Variants in RBFOX3 observed in about 807,000 individuals in gnomAD.
The protein encoded by RBFOX3 is RNA binding protein fox-1 homolog 3.
A neutral mutation model predicts 48.7 loss-of-function variants in RBFOX3; 17 were observed. That is an observed-to-expected ratio of 0.35 (90% CI 0.24 to 0.52). The LOEUF (loss-of-function observed/expected upper bound fraction) is 0.52. Among genes scored for constraint, RBFOX3 ranks in the 20% least tolerant of loss-of-function variants. The probability of loss-of-function intolerance (pLI) is 0.94; values close to 1 mark genes in which losing one functional copy is unlikely to be tolerated. For missense variants in RBFOX3, 382 were observed against 497.5 expected, an observed-to-expected ratio of 0.77 and a Z score of 2.21; for synonymous variants, 212 against 209.5, an observed-to-expected ratio of 1.01 and a Z score of -0.10.
chr17:79,207,767 G>C (rs1433703185), intron 4 of RBFOX3, among the ~76,000 whole-genome samples: 1 of 152,122 alleles, frequency 6.6e-6, no homozygotes, highest in African/African-American at 2.4e-5. Flanking sequence ...TGGAGACTGG[G>C]GTGCACACCA....
intron 1 of RBFOX3, among the ~76,000 whole-genome samples, chr17:79,502,062 G>A (rs1555777290): frequency 1.3e-5 from 2 of 152,186 alleles, no homozygotes; most frequent in African/African-American, 4.8e-5. Flanking sequence ...CACAGGCCAC[G>A]TGACCACTAA....
chr17:79,525,172 G>A (rs1329006774), intron 1 of RBFOX3, among the ~76,000 whole-genome samples: 1 of 152,196 alleles, frequency 6.6e-6, no homozygotes, highest in Non-Finnish European at 1.5e-5. Flanking sequence ...GGGCCGTCCT[G>A]TGCATTGTGA....
chr17:79,308,144 A>C (rs895729153), intron 2 of RBFOX3, among the ~76,000 whole-genome samples: 1 of 152,016 alleles, frequency 6.6e-6, no homozygotes, highest in African/African-American at 2.4e-5. Context: ...GTCAGGCTGG[A>C]GTTTGGACTG....
chr17:79,409,569 A>G, intron 2 of RBFOX3, among the ~76,000 whole-genome samples: 1 of 151,730 alleles, frequency 6.6e-6, no homozygotes, highest in East Asian at 1.9e-4. Flanking sequence ...GTGTAGATAT[A>G]TGGCCTTCTG....
At chr17:79,620,159 GGA>G in the RBFOX3 span, among the ~76,000 whole-genome samples, 1 of 24,222 alleles carries the variant, frequency 4.1e-5, no homozygotes, top group South Asian at 1.6e-3. Context: ...ATGCACGCGC[GGA>G]CATGCACACA....
At chr17:79,430,680 G>A (rs1268367363) in intron 2 of RBFOX3, among the ~76,000 whole-genome samples, 11 of 152,064 alleles carry the variant, frequency 7.2e-5, no homozygotes, top group Admixed American at 3.9e-4. Flanking sequence ...GAGTAGCTGG[G>A]ATTACAGGTA....
chr17:79,153,895 C>T (rs928897653), intron 4 of RBFOX3, among the ~76,000 whole-genome samples: 6 of 152,172 alleles, frequency 3.9e-5, no homozygotes, highest in African/African-American at 1.4e-4. Context: ...CTCCAGCCCC[C>T]ATGATCCATT....
chr17:79,570,404 T>C (rs2092631392), intron 1 of RBFOX3, among the ~76,000 whole-genome samples: 1 of 141,180 alleles, frequency 7.1e-6, no homozygotes, highest in African/African-American at 2.6e-5. Context: ...AGATAGAAGA[T>C]AGATAGATGG....
chr17:79,094,572 A>C, intron 13 of RBFOX3, 43 bp from the exon 14 acceptor site: 2 of 105,806 alleles, frequency 1.9e-5, no homozygotes, highest in Non-Finnish European at 1.5e-5. Flanking sequence ...AGGGTGGGGG[A>C]GGGGGGCAGG....
rs147494739 is a variant in RBFOX3, at chr17:79,446,179, C to T, written c.-175+36275G>A. Among the ~76,000 whole-genome samples the T allele has an allele frequency of 3.4e-3, 513 of 152,288 alleles. 2 individuals carry two copies. The highest frequency in any genetic ancestry group is 0.011 in the African/African-American group (462 of 41,558). On this transcript the variant is annotated intron_variant, in intron 2 of 14. Transcript: ENST00000693108. The stretch of plus-strand genomic sequence containing the variant: ...AGCATGGTCGGTCAAGCTGAGAGCA[C>T]GCTGGCCCTAGAGATGGTCAGGAGC...
intron 2 of RBFOX3, among the ~76,000 whole-genome samples, chr17:79,372,081 C>T (rs75778566): frequency 6.6e-6 from 1 of 151,946 alleles, no homozygotes; most frequent in African/African-American, 2.4e-5. Flanking sequence ...GGTGAATGCA[C>T]CCTCTAAACG....
intron 2 of RBFOX3, among the ~76,000 whole-genome samples, chr17:79,432,496 T>C (rs143878438): frequency 6.6e-6 from 1 of 152,374 alleles, no homozygotes; most frequent in Non-Finnish European, 1.5e-5. Flanking sequence ...ACGTGTTCAC[T>C]TCCCAAGGGT....
chr17:79,652,852 A>C, the RBFOX3 span, among the ~76,000 whole-genome samples: 1 of 152,100 alleles, frequency 6.6e-6, no homozygotes, highest in Non-Finnish European at 1.5e-5. Context: ...TTAAGTCTTC[A>C]GGTTTAAGAC....
At chr17:79,310,282 C>A (rs1357782873) in intron 2 of RBFOX3, among the ~76,000 whole-genome samples, 2 of 152,136 alleles carry the variant, frequency 1.3e-5, no homozygotes, top group Non-Finnish European at 2.9e-5. Flanking sequence ...GGGTTAAGTC[C>A]AGATTCCTGA....
intron 1 of RBFOX3, among the ~76,000 whole-genome samples, chr17:79,603,424 C>T (rs1425063556): frequency 6.6e-6 from 1 of 152,170 alleles, no homozygotes; most frequent in Non-Finnish European, 1.5e-5. Flanking sequence ...CAACTGAGTC[C>T]ACGGCCCCAC....
chr17:79,595,664 G>T (rs1019443730), intron 1 of RBFOX3, among the ~76,000 whole-genome samples: 1 of 152,180 alleles, frequency 6.6e-6, no homozygotes, highest in African/African-American at 2.4e-5. Context: ...AGGGGAGGAC[G>T]GACCTGGCAT....
chr17:79,294,041 C>G (rs1360099913), intron 3 of RBFOX3, among the ~76,000 whole-genome samples: 1 of 152,214 alleles, frequency 6.6e-6, no homozygotes. Context: ...AGAGCAGGTA[C>G]AGATTCATAC....
At chr17:79,182,536 C>G (rs2052284132) in intron 4 of RBFOX3, among the ~76,000 whole-genome samples, 1 of 152,060 alleles carries the variant, frequency 6.6e-6, no homozygotes, top group African/African-American at 2.4e-5. Flanking sequence ...GTCCCCTCCC[C>G]CAACGCCCCG....
chr17:79,349,793 AG>A (rs1353720475), intron 2 of RBFOX3, among the ~76,000 whole-genome samples: 1 of 151,664 alleles, frequency 6.6e-6, no homozygotes, highest in Non-Finnish European at 1.5e-5. Context: ...GATCCCCAGC[AG>A]GGCCTTGCCT....
Sources: gnomAD v4.1 joint callset for allele counts (sites outside exome capture counted in the v4.1 genomes callset) on GRCh38, gnomAD v4.1.1 for gene constraint, MANE v1.5 for transcripts, NCBI Gene and HGNC (gene_info 2026-07-23, HGNC 2026-07-21) for gene names.